Variants in MPRIP observed in about 807,000 individuals in gnomAD.
MPRIP encodes the protein myosin phosphatase Rho-interacting protein.
In MPRIP, 59 loss-of-function variants were observed where a neutral mutation model predicts 234.9. That is an observed-to-expected ratio of 0.25 (90% CI 0.20 to 0.31). MPRIP has a LOEUF of 0.31. Ranked by LOEUF, MPRIP falls within the 10% of genes least tolerant of loss-of-function variation. The pLI, the probability that MPRIP is intolerant of heterozygous loss-of-function variation, is 1.00. For synonymous variants in MPRIP, 1,144 were observed against 1,263.9 expected, an observed-to-expected ratio of 0.91 and a Z score of 2.01; for missense variants, 2,436 against 3,071.0, an observed-to-expected ratio of 0.79 and a Z score of 4.89.
At chr17:17,149,890 G>T in intron 11 of MPRIP, 1 of 306,622 alleles carries the variant, frequency 3.3e-6, no homozygotes, top group Non-Finnish European at 6.1e-6. Context: ...GAGTGTGAAG[G>T]GATTTCAACA....
intron 12 of MPRIP, among the ~76,000 whole-genome samples, 182 bp from the exon 13 acceptor site, chr17:17,154,124 C>T (rs1437095762): frequency 2.0e-5 from 3 of 152,212 alleles, no homozygotes; most frequent in African/African-American, 7.2e-5. Context: ...GCTTTGACGT[C>T]TCCTGCTCTC....
chr17:17,084,145 T>C (rs1033679032), intron 3 of MPRIP, among the ~76,000 whole-genome samples: 1 of 152,154 alleles, frequency 6.6e-6, no homozygotes, highest in African/African-American at 2.4e-5. Flanking sequence ...GGGCATCTGA[T>C]TCTTTGGGAA....
At chr17:17,150,264 G>A in intron 12 of MPRIP, 31 bp downstream of exon 12, 1 of 1,535,038 alleles carries the variant, frequency 6.5e-7, no homozygotes. Context: ...GGGGCCACAG[G>A]CTTGACAGGC....
chr17:17,119,561 A>G (rs2090349573), intron 3 of MPRIP, among the ~76,000 whole-genome samples: 1 of 152,256 alleles, frequency 6.6e-6, no homozygotes, highest in South Asian at 2.1e-4. Flanking sequence ...TTTGAAAGTC[A>G]GAACAATGAT....
In MPRIP at chr17:17,165,763, A is replaced by T; in HGVS notation, c.4172A>T (p.Tyr1391Phe). 7.7e-7 allele frequency: 1 copy of T among 1,304,760 alleles called. No homozygotes were observed. The highest frequency in any genetic ancestry group is 1.0e-6 in the Non-Finnish European group (1 of 988,962). 80.8% of individuals were successfully genotyped at this position (1,304,760 alleles called of 1,614,324 possible). Residue 1391 changes from tyrosine to phenylalanine, a missense_variant, in exon 16 of 24, where the codon TAC becomes TTC. Tyr to Phe is a conservative substitution (Grantham distance 22). Coordinates refer to ENST00000651222, the MANE Select transcript of MPRIP (RefSeq NM_001364716.4). Reference protein sequence around the residue: ...SIIHSLETKLYVTEEKLKDVT... With the variant: ...SIIHSLETKLFVTEEKLKDVT... ...ATCCACTCCCTGGAGACCAAGCTCT[A>T]CGTCACAGAGGAAAAGCTCAAAGAC...
intron 1 of MPRIP, among the ~76,000 whole-genome samples, chr17:17,055,064 A>T (rs868809327): frequency 1.8e-3 from 275 of 151,342 alleles, no homozygotes; most frequent in African/African-American, 5.8e-3. Flanking sequence ...AAAAAAAAAA[A>T]TTTCTTTTTT....
chr17:17,129,322 G>A (rs79686435), intron 4 of MPRIP, among the ~76,000 whole-genome samples: 2,085 of 152,174 alleles, frequency 0.014, 28 homozygotes, highest in Middle Eastern at 0.027. Flanking sequence ...GGGCTCTGCC[G>A]TCCCTATCCG....
At chr17:17,046,777 T>C (rs1382422917) in intron 1 of MPRIP, among the ~76,000 whole-genome samples, 1 of 152,226 alleles carries the variant, frequency 6.6e-6, no homozygotes, top group African/African-American at 2.4e-5. Flanking sequence ...GTCTGTGGGC[T>C]ATATGGTCTC....
intron 6 of MPRIP, among the ~76,000 whole-genome samples, chr17:17,137,594 G>A (rs972723922): frequency 6.6e-6 from 1 of 152,132 alleles, no homozygotes; most frequent in African/African-American, 2.4e-5. Flanking sequence ...TGGTGGTGGG[G>A]GTCTTGCGTC....
Position 17,167,631 on chromosome 17 carries a change from G to C in MPRIP, c.6040G>C (p.Glu2014Gln), listed in dbSNP as rs982061816. 5 of 1,304,136 alleles carry C rather than the reference G, an allele frequency of 3.8e-6. No individual in the cohort carries two copies. In the Admixed American group the frequency reaches 9.2e-5, roughly 24 times the overall value. 80.8% of individuals were successfully genotyped at this position (1,304,136 alleles called of 1,614,324 possible). ...GGTCCGGGAGCTGCAGACGATCCAC[G>C]AGGAGGAGCTGAGGACCCTGCAGGA... ...LKVRELQTIH[E>Q]EELRTLQEHY... Residue 2014 changes from glutamate to glutamine, a missense_variant, in exon 16 of 24, where the codon GAG becomes CAG. Glu to Gln is a conservative substitution (Grantham distance 29). This residue lies in a region of MPRIP where 1,998 missense variants were observed against 2,520.3 expected (regional missense o/e 0.79). Transcript: ENST00000651222. This position sits in a 1 kb window ranked among gnomAD's most constrained non-coding sequence, Gnocchi z 5.9.
intron 18 of MPRIP, 38 bp downstream of exon 18, chr17:17,172,853 C>CA: frequency 6.4e-7 from 1 of 1,565,592 alleles, no homozygotes; most frequent in Admixed American, 1.7e-5. Context: ...CTTGGGAGGG[C>CA]CCCTCTGGGG....
chr17:17,103,850 A>G (rs777181579), intron 3 of MPRIP, among the ~76,000 whole-genome samples: 10 of 152,132 alleles, frequency 6.6e-5, no homozygotes, highest in Non-Finnish European at 8.8e-5. Context: ...CCCTCACTTT[A>G]TTTTAAGCCG....
intron 3 of MPRIP, among the ~76,000 whole-genome samples, chr17:17,090,466 A>G (rs942607184): frequency 1.6e-4 from 25 of 152,102 alleles, no homozygotes; most frequent in Non-Finnish European, 4.4e-5. Flanking sequence ...CCAGGGTTGC[A>G]CCTGGTGGCT....
At chr17:17,120,348 C>T (rs1467745967) in intron 3 of MPRIP, among the ~76,000 whole-genome samples, 8 of 152,052 alleles carry the variant, frequency 5.3e-5, no homozygotes, top group Admixed American at 2.0e-4. Context: ...GGAGAGTCCC[C>T]GGTTGGAGAG....
intron 3 of MPRIP, among the ~76,000 whole-genome samples, chr17:17,115,549 G>C (rs755282621): frequency 6.6e-6 from 1 of 152,180 alleles, no homozygotes; most frequent in Non-Finnish European, 1.5e-5. Flanking sequence ...GTTCTGTTTT[G>C]TTTTGTTTGA....
intron 3 of MPRIP, among the ~76,000 whole-genome samples, chr17:17,114,162 G>T (rs2090233545): frequency 6.6e-6 from 1 of 152,020 alleles, no homozygotes; most frequent in Admixed American, 6.5e-5. Context: ...TGAAGTGCTA[G>T]GTGACTTTCA....
Position 17,138,224 on chromosome 17 carries a change from A to G in MPRIP, c.1045A>G (p.Thr349Ala). Residue 349 changes from threonine (T) to alanine (A), a missense_variant, in exon 7 of 24, where the codon ACT (threonine) becomes GCT (alanine). Thr to Ala is a moderately conservative substitution (Grantham distance 58). This residue lies in a region of MPRIP where 267 missense variants were observed against 252.7 expected (regional missense o/e 1.06). Transcript: ENST00000651222. The surrounding 1 kb of genome is among the most constrained non-coding windows in gnomAD (Gnocchi z 5.8). ...ACCTGCCTACGTGGACTCTGGCAGC[A>G]CTAGGGGGCGGGGGACAGAGAGACT... Reference protein sequence around the residue: ...QPPAYVDSGSTRGRGTERLGS... With the variant: ...QPPAYVDSGSARGRGTERLGS... The G allele has an allele frequency of 1.5e-6, 1 of 684,094 alleles. No homozygotes were observed. Among genetic ancestry groups the G allele is most frequent in the Non-Finnish European group, 2.3e-6 (1 of 428,116 alleles). The allele number at this position is 684,094 out of a possible 1,614,324, so 42.4% of individuals were successfully genotyped here.
chr17:17,136,680 A>G (rs2090707926), intron 6 of MPRIP, among the ~76,000 whole-genome samples: 2 of 152,220 alleles, frequency 1.3e-5, no homozygotes, highest in African/African-American at 4.8e-5. Flanking sequence ...TAAAGGAGGA[A>G]GACAGCTCCT....
intron 3 of MPRIP, among the ~76,000 whole-genome samples, chr17:17,088,223 C>G (rs2089635296): frequency 6.6e-6 from 1 of 152,130 alleles, no homozygotes; most frequent in African/African-American, 2.4e-5. Context: ...TGGCCCACAC[C>G]CCGCACTGGG....
Sources: gnomAD v4.1 joint callset for allele counts (sites outside exome capture counted in the v4.1 genomes callset) on GRCh38, gnomAD v4.1.1 for gene constraint, gnomAD v4.1.1 regional missense constraint, Gnocchi (gnomAD v3.1) non-coding constraint, MANE v1.5 for transcripts, NCBI Gene and HGNC (gene_info 2026-07-23, HGNC 2026-07-21) for gene names.